Variants in CYP2E1 observed in about 807,000 individuals in gnomAD.
CYP2E1 encodes cytochrome P450 family 2 subfamily E member 1.
Under a neutral mutation model 42.9 loss-of-function variants are expected in CYP2E1, and 31 were observed. The ratio of observed to expected loss-of-function variants is 0.72; its 90% CI spans 0.54 to 0.98. CYP2E1 has a LOEUF of 0.98. Among genes scored for constraint, CYP2E1 ranks in the 50% least tolerant of loss-of-function variants. The pLI is 0.00. For synonymous variants in CYP2E1, 244 were observed against 248.9 expected, an observed-to-expected ratio of 0.98 and a Z score of 0.19; for missense variants, 565 against 633.2, an observed-to-expected ratio of 0.89 and a Z score of 1.16.
intron 3 of CYP2E1, 43 bp from the exon 4 acceptor site, chr10:133,532,081 C>T: frequency 1.3e-6 from 2 of 1,593,240 alleles, no homozygotes; most frequent in South Asian, 2.2e-5. Context: ...GGAGGAGTCT[C>T]CTCACCCCCA....
intron 6 of CYP2E1, among the ~76,000 whole-genome samples, chr10:133,535,671 A>T (rs1232090535): frequency 4.6e-5 from 7 of 152,202 alleles, no homozygotes; most frequent in African/African-American, 1.7e-4. Context: ...TATGATTGAC[A>T]TGTATATATC....
chr10:133,537,173 T>C lies in CYP2E1; in HGVS notation c.1078T>C (p.Phe360Leu). Residue 360 changes from phenylalanine (F) to leucine (L), a missense_variant, in exon 7 of 9, where the codon TTC becomes CTC. Coordinates refer to ENST00000252945, the MANE Select transcript of CYP2E1 (RefSeq NM_000773.4). Reference sequence around the variant, plus strand: ...TGCTGTGGTGCATGAGATTCAGCGGTTCATCACCCTCGTGCCCTCCAACCT... The same window carrying C: ...TGCTGTGGTGCATGAGATTCAGCGGCTCATCACCCTCGTGCCCTCCAACCT... ...MDAVVHEIQR[F>L]ITLVPSNLPH... 1.9e-6 allele frequency: 3 copies of C among 1,614,034 alleles called. No individual in the cohort carries two copies. Among genetic ancestry groups the C allele is most frequent in the Non-Finnish European group, 2.5e-6 (3 of 1,179,986 alleles).
intron 2 of CYP2E1, among the ~76,000 whole-genome samples, chr10:133,528,960 C>T (rs1443564434): frequency 2.6e-5 from 4 of 152,154 alleles, no homozygotes; most frequent in African/African-American, 4.8e-5. Flanking sequence ...CTCCCGGGAG[C>T]GCTTTCCCCT....
rs1851442493 is a variant in CYP2E1, at chr10:133,538,907, T to G, written c.1425T>G (p.His475Gln). The change falls in exon 9 of 9, where the codon CAT becomes CAG. Residue 475 changes from histidine to glutamine, a missense_variant. His to Gln is a conservative substitution (Grantham distance 24). Transcript: ENST00000252945. ...AGGATATCGACCTCAGCCCTATACA[T>G]ATTGGGTTTGGCTGTATCCCACCAC... is the stretch of plus-strand genomic sequence containing the variant. ...DPKDIDLSPI[H>Q]IGFGCIPPRY... is the part of the protein sequence containing the mutation. The G allele has an allele frequency of 6.2e-7, 1 of 1,613,852 alleles. No homozygotes were observed. Among genetic ancestry groups the G allele is most frequent in the Non-Finnish European group, 8.5e-7 (1 of 1,179,908 alleles).
chr10:133,530,533 T>G (rs566015320), intron 2 of CYP2E1, among the ~76,000 whole-genome samples: 103 of 152,232 alleles, frequency 6.8e-4, no homozygotes, highest in Non-Finnish European at 1.0e-3. Context: ...CAGCCTTGCT[T>G]CTGGAACACA....
At chr10:133,537,633 G>C (rs2070676) in intron 7 of CYP2E1, 118 bp from the exon 8 acceptor site, 758,300 of 902,148 alleles carry the variant, frequency 0.84, 324,270 homozygotes, top group Non-Finnish European at 0.89. Flanking sequence ...TCCTTCAACT[G>C]GAAATATACT....
intron 3 of CYP2E1, 129 bp downstream of exon 3, chr10:133,531,863 C>T (rs1851342258): frequency 1.0e-6 from 1 of 982,922 alleles, no homozygotes; most frequent in South Asian, 1.7e-5. Flanking sequence ...TCGTGAGTCC[C>T]CAGATACTGC....
At chr10:133,533,151 T>C (rs562362164) in intron 5 of CYP2E1, among the ~76,000 whole-genome samples, 1 of 152,256 alleles carries the variant, frequency 6.6e-6, no homozygotes, top group East Asian at 1.9e-4. Flanking sequence ...GAGAATTGCA[T>C]TTTGTCTGAG....
Position 133,532,888 on chromosome 10 carries a change from G to A in CYP2E1, c.825+20G>A. On this transcript the variant is annotated intron_variant, in intron 5 of 8. Transcript: ENST00000252945. ...GAGAAGGTAGGCTCGGCCCTCCCATGATGTGGGCTCTCCGGGGTGGGCAGA... is the reference window on the plus strand; with the variant it reads ...GAGAAGGTAGGCTCGGCCCTCCCATAATGTGGGCTCTCCGGGGTGGGCAGA... 6.3e-7 allele frequency: 1 copy of A among 1,583,458 alleles called. No homozygotes were observed. Among genetic ancestry groups the A allele is most frequent in the Non-Finnish European group, 8.5e-7 (1 of 1,169,648 alleles).
At chr10:133,537,349 T>G (rs1230376548) in intron 7 of CYP2E1, 99 bp downstream of exon 7, 3 of 1,246,588 alleles carry the variant, frequency 2.4e-6, no homozygotes, top group African/African-American at 3.0e-5. Flanking sequence ...ACCCTTCCCT[T>G]TGGCAGGGGT....
chr10:133,537,950 C>G, intron 8 of CYP2E1, 58 bp downstream of exon 8: 1 of 1,554,352 alleles, frequency 6.4e-7, no homozygotes. Context: ...TCCTCATCTC[C>G]CCTCCACATG....
Position 133,537,214 on chromosome 10 carries a change from C to G in CYP2E1, c.1119C>G (p.Thr373=). 1 of 1,614,040 alleles carries G rather than the reference C, an allele frequency of 6.2e-7. No homozygotes were observed. The highest frequency in any genetic ancestry group is 8.5e-7 in the Non-Finnish European group (1 of 1,179,970). ...LVPSNLPHEA[T]RDTIFRGYLI... is the part of the protein sequence containing the mutation. ...CCTCCAACCTGCCCCATGAAGCAAC[C>G]CGAGACACCATTTTCAGAGGATACC... Residue 373 remains threonine, a synonymous_variant, in exon 7 of 9, where the codon ACC becomes ACG. Transcript: ENST00000252945.
At chr10:133,528,816 G>A (rs552833355) in intron 2 of CYP2E1, among the ~76,000 whole-genome samples, 176 bp downstream of exon 2, 1 of 152,366 alleles carries the variant, frequency 6.6e-6, no homozygotes, top group East Asian at 1.9e-4. Context: ...CCTGCGGAGC[G>A]AGGCGCACTG....
intron 3 of CYP2E1, 122 bp downstream of exon 3, chr10:133,531,856 T>C: frequency 9.5e-7 from 1 of 1,056,060 alleles, no homozygotes; most frequent in Non-Finnish European, 1.3e-6. Context: ...GAGGGTCTCG[T>C]GAGTCCCCAG....
chr10:133,535,614 AATT>A (rs973887173), intron 6 of CYP2E1, among the ~76,000 whole-genome samples: 1 of 152,194 alleles, frequency 6.6e-6, no homozygotes, highest in Non-Finnish European at 1.5e-5. Flanking sequence ...AAATGTTTTA[AATT>A]ATTATTTATG....
At chr10:133,531,340 C>G (rs1322020537) in intron 2 of CYP2E1, among the ~76,000 whole-genome samples, 1 of 152,130 alleles carries the variant, frequency 6.6e-6, no homozygotes, top group East Asian at 1.9e-4. Flanking sequence ...GGAGAGGCTA[C>G]ATGTGATGAA....
intron 7 of CYP2E1, 81 bp downstream of exon 7, chr10:133,537,331 GC>G: frequency 6.8e-7 from 1 of 1,462,588 alleles, no homozygotes; most frequent in Non-Finnish European, 9.4e-7. Context: ...CAGGATGGGG[GC>G]CCCAAGACCC....
chr10:133,532,514 A>G (rs12257054), intron 4 of CYP2E1, among the ~76,000 whole-genome samples, 178 bp from the exon 5 acceptor site: 11,126 of 152,036 alleles, frequency 0.073, 929 homozygotes, highest in African/African-American at 0.2. Flanking sequence ...CACATTTGCC[A>G]TGCAGAGTTT....
At position 133,531,613 on chromosome 10, in the gene CYP2E1, G is replaced by A. The variant is rs1371933261; in HGVS notation, c.366G>A (p.Trp122Ter). The change falls in exon 3 of 9, where the codon TGG becomes TGA. Residue 122 changes from tryptophan to a stop codon, truncating the protein, a stop_gained. Coordinates refer to ENST00000252945, the MANE Select transcript of CYP2E1 (RefSeq NM_000773.4). LOFTEE classifies it high-confidence loss of function. ...TCATTTTTAATAATGGACCTACCTG[G>A]AAGGACATCCGGCGGTTTTCCCTGA... Reference protein sequence around the residue: ...RGIIFNNGPTWKDIRRFSLTT... With the variant: ...RGIIFNNGPT The A allele has an allele frequency of 6.2e-7, 1 of 1,614,098 alleles. No homozygotes were observed. Among genetic ancestry groups the A allele is most frequent in the Non-Finnish European group, 8.5e-7 (1 of 1,180,006 alleles).
Sources: allele counts gnomAD v4.1 joint callset (sites outside exome capture counted in the v4.1 genomes callset), GRCh38; gene constraint gnomAD v4.1.1; transcripts MANE v1.5; gene names NCBI Gene and HGNC (gene_info 2026-07-23, HGNC 2026-07-21).